Variants in CDH11 observed in about 807,000 individuals in gnomAD.
CDH11 encodes the protein cadherin-11.
A neutral mutation model predicts 67.8 loss-of-function variants in CDH11; 11 were observed. That is an observed-to-expected ratio of 0.16 (90% CI 0.10 to 0.27). The LOEUF (loss-of-function observed/expected upper bound fraction) is 0.27, where lower values mean the gene tolerates loss of function less well. CDH11 is among the 10% of genes least tolerant of loss of function. The probability of loss-of-function intolerance (pLI) is 1.00; values close to 1 mark genes in which losing one functional copy is unlikely to be tolerated. For synonymous variants in CDH11, 419 were observed against 400.0 expected (o/e 1.05, Z -0.57); for missense variants, 847 against 1,031.2 (o/e 0.82, Z 2.45).
At position 65,121,994 on chromosome 16, in the gene CDH11, TGCGAG is replaced by T. The variant is rs1333455701; in HGVS notation, c.-417_-413del. 4.3e-6 allele frequency: 3 copies of T among 700,448 alleles called. No homozygotes were observed. The highest frequency in any genetic ancestry group is 7.8e-6 in the Non-Finnish European group (3 of 383,942). 43.4% of individuals were successfully genotyped at this position (700,448 alleles called of 1,614,324 possible). The stretch of plus-strand genomic sequence containing the variant: ...GTCCCATTCACAAGTCAGCGGCGGC[TGCGAG>T]CGGCCCCCGCGGCATCTGCTCCTCG... On this transcript the variant is annotated 5_prime_UTR_variant, in exon 1 of 13. An upstream open reading frame in the 5' UTR gains an earlier in-frame stop. Coordinates refer to ENST00000268603, the MANE Select transcript of CDH11 (RefSeq NM_001797.4). The surrounding 1 kb of genome is among the most constrained non-coding windows in gnomAD (Gnocchi z 4.1).
rs1332353918 is a variant in CDH11 at position 64,944,937 on chromosome 16, A to AG, written c.*2665dup. 2 of 217,562 alleles carry AG rather than the reference A, an allele frequency of 9.2e-6. No individual in the cohort carries two copies. Among genetic ancestry groups the AG allele is most frequent in the Non-Finnish European group, 1.8e-5 (2 of 108,320 alleles). The allele number at this position is 217,562 out of a possible 1,614,324, so 13.5% of individuals were successfully genotyped here. ...GACAACAAGGTGGATACTTTGGTAC[A>AG]GGGCTGAATTATCAAAAGATGTCAG... On this transcript the variant is annotated 3_prime_UTR_variant, in exon 13 of 13. Coordinates refer to ENST00000268603, the MANE Select transcript of CDH11 (RefSeq NM_001797.4).
intron 11 of CDH11, among the ~76,000 whole-genome samples, chr16:64,955,657 A>C (rs1208872159): frequency 6.6e-6 from 1 of 152,108 alleles, no homozygotes; most frequent in Non-Finnish European, 1.5e-5. Flanking sequence ...ACACCAGAGG[A>C]TTGCTTGAGC....
At chr16:65,106,190 T>G (rs748367431) in intron 1 of CDH11, among the ~76,000 whole-genome samples, 41 of 152,196 alleles carry the variant, frequency 2.7e-4, no homozygotes, top group Non-Finnish European at 5.6e-4. Context: ...CAATCCCTCC[T>G]GTAGGGAGGT....
At chr16:65,049,177 C>A (rs79403805) in intron 2 of CDH11, among the ~76,000 whole-genome samples, 2 of 152,074 alleles carry the variant, frequency 1.3e-5, no homozygotes, top group East Asian at 1.9e-4. Flanking sequence ...TGTACATGTA[C>A]CCCCTGAATC....
chr16:65,039,434 A>G (rs1156595566), intron 2 of CDH11, among the ~76,000 whole-genome samples: 1 of 152,202 alleles, frequency 6.6e-6, no homozygotes, highest in African/African-American at 2.4e-5. Flanking sequence ...GATCTTTGAC[A>G]AACCTGACAA....
intron 2 of CDH11, among the ~76,000 whole-genome samples, chr16:65,022,307 A>T (rs1011715963): frequency 3.3e-5 from 5 of 152,158 alleles, no homozygotes; most frequent in Non-Finnish European, 5.9e-5. Flanking sequence ...TTTACTTGGA[A>T]CTCTAACCAT....
intron 11 of CDH11, among the ~76,000 whole-genome samples, chr16:64,952,000 C>T (rs1212932175): frequency 6.6e-6 from 1 of 152,076 alleles, no homozygotes. Flanking sequence ...TAGATTTCAC[C>T]TTGCTTCCCA....
chr16:65,053,415 T>C (rs1021782031), intron 2 of CDH11, among the ~76,000 whole-genome samples: 1 of 152,170 alleles, frequency 6.6e-6, no homozygotes, highest in Admixed American at 6.5e-5. Flanking sequence ...CTCATTTCCT[T>C]GTGGGACATA....
rs773232522 is a variant in CDH11, at chr16:64,950,817, A to C, written c.1844T>G (p.Leu615Arg). ...GATGGCGATCAGGGCGCCTGTGCTCAGGCCGGCGTTCAGAATGTAGGCCTC... is the reference window on the plus strand; with the variant it reads ...GATGGCGATCAGGGCGCCTGTGCTCCGGCCGGCGTTCAGAATGTAGGCCTC... ...NAEAYILNAG[L>R]STGALIAILA... Residue 615 changes from leucine to arginine, a missense_variant, in exon 12 of 13, where the codon CTG becomes CGG. Coordinates refer to ENST00000268603, the MANE Select transcript of CDH11 (RefSeq NM_001797.4). 1 of 1,614,190 alleles carries C rather than the reference A, an allele frequency of 6.2e-7. No individual in the cohort carries two copies. Among genetic ancestry groups the C allele is most frequent in the Admixed American group, 1.7e-5 (1 of 60,022 alleles).
At chr16:65,018,773 C>A (rs2073365900) in intron 2 of CDH11, among the ~76,000 whole-genome samples, 1 of 152,136 alleles carries the variant, frequency 6.6e-6, no homozygotes, top group Non-Finnish European at 1.5e-5. Flanking sequence ...TGTTTCCTCT[C>A]TATTTTAATG....
chr16:65,120,129 T>A (rs1341863134), intron 1 of CDH11, among the ~76,000 whole-genome samples: 1 of 152,214 alleles, frequency 6.6e-6, no homozygotes, highest in Non-Finnish European at 1.5e-5. Flanking sequence ...GGGCAGTTAA[T>A]ATTTCTGTTC....
At chr16:64,997,351 A>C (rs1032195679) in intron 4 of CDH11, among the ~76,000 whole-genome samples, 1 of 150,264 alleles carries the variant, frequency 6.7e-6, no homozygotes, top group Non-Finnish European at 1.5e-5. Context: ...AAACCTGCAC[A>C]TGTACCCCCT....
chr16:65,069,367 G>A (rs1295946766), intron 1 of CDH11, among the ~76,000 whole-genome samples: 1 of 152,102 alleles, frequency 6.6e-6, no homozygotes, highest in African/African-American at 2.4e-5. Flanking sequence ...GTGAGTCAGA[G>A]TGAATGAATT....
intron 1 of CDH11, among the ~76,000 whole-genome samples, chr16:65,065,366 C>G (rs1320657031): frequency 6.6e-6 from 1 of 152,060 alleles, no homozygotes; most frequent in Non-Finnish European, 1.5e-5. Flanking sequence ...ATTTTGAATA[C>G]TAAATATGTG....
At chr16:65,042,529 T>A (rs563667517) in intron 2 of CDH11, among the ~76,000 whole-genome samples, 40 of 152,262 alleles carry the variant, frequency 2.6e-4, no homozygotes, top group South Asian at 6.2e-4. Context: ...CAAATGCAGC[T>A]GAGCAGATGC....
chr16:65,016,357 TGGG>T (rs2073308634), intron 2 of CDH11, among the ~76,000 whole-genome samples: 2 of 152,124 alleles, frequency 1.3e-5, no homozygotes, highest in Non-Finnish European at 2.9e-5. Context: ...AGAAAAGTAA[TGGG>T]ATACAGCAAA....
At chr16:65,052,944 C>T (rs16968386) in intron 2 of CDH11, among the ~76,000 whole-genome samples, 8,507 of 152,062 alleles carry the variant, frequency 0.056, 527 homozygotes, top group African/African-American at 0.15. Context: ...TAAAGTATTC[C>T]GTCCATGTTT....
At chr16:64,949,205 G>A (rs189068108) in intron 12 of CDH11, among the ~76,000 whole-genome samples, 4 of 152,076 alleles carry the variant, frequency 2.6e-5, no homozygotes, top group Non-Finnish European at 4.4e-5. Flanking sequence ...GCCTGGCCCC[G>A]TTCTTATCCT....
chr16:65,118,582 T>C (rs1321117814), intron 1 of CDH11, among the ~76,000 whole-genome samples: 1 of 152,180 alleles, frequency 6.6e-6, no homozygotes, highest in African/African-American at 2.4e-5. Flanking sequence ...TTAGGTAACT[T>C]TTTATGAAAC....
Sources: gnomAD v4.1 joint callset for allele counts (sites outside exome capture counted in the v4.1 genomes callset) on GRCh38, gnomAD v4.1.1 for gene constraint, Gnocchi (gnomAD v3.1) non-coding constraint, MANE v1.5 for transcripts, NCBI Gene and HGNC (gene_info 2026-07-23, HGNC 2026-07-21) for gene names.